The following FAM110B variants were observed in gnomAD, a reference collection of about 807,000 sequenced individuals.
FAM110B encodes the protein protein FAM110B.
Under a neutral mutation model 20.4 loss-of-function variants are expected in FAM110B, and 6 were observed. The observed-to-expected ratio is 0.29, with a 90% CI of 0.16 to 0.58. The LOEUF (loss-of-function observed/expected upper bound fraction) is 0.58. Among genes scored for constraint, FAM110B ranks in the 20% least tolerant of loss-of-function variants. FAM110B has a pLI of 0.90. For synonymous variants in FAM110B, 226 were observed against 214.1 expected (o/e 1.06, Z -0.49); for missense variants, 434 against 498.2 (o/e 0.87, Z 1.23).
At chr8:58,026,734 G>T (rs1358793561) in intron 1 of FAM110B, among the ~76,000 whole-genome samples, 2 of 152,170 alleles carry the variant, frequency 1.3e-5, no homozygotes, top group African/African-American at 4.8e-5. Flanking sequence ...AGCTATCATT[G>T]TATGAAGAGG....
At chr8:58,000,936 G>A (rs1266195984) in intron 1 of FAM110B, among the ~76,000 whole-genome samples, 1 of 152,106 alleles carries the variant, frequency 6.6e-6, no homozygotes, top group African/African-American at 2.4e-5. Context: ...TTTTATTCTT[G>A]TTTAGTGACA....
In FAM110B at chr8:58,146,912, C is replaced by T. The variant is rs1178064986; in HGVS notation, c.682C>T (p.Pro228Ser). 16 of 1,614,124 alleles carry T rather than the reference C, an allele frequency of 9.9e-6. 1 individual carries two copies. In the Admixed American group the frequency reaches 1.0e-4, roughly 10 times the overall value. The change falls in exon 4 of 4, where the codon CCC becomes TCC. Residue 228 changes from proline to serine, a missense_variant. By Grantham distance (74) the Pro-to-Ser change is moderately conservative. Coordinates refer to ENST00000519262, the MANE Select transcript of FAM110B (RefSeq NM_001377989.1). ...SSSAPPLPPKPKIAAIASMKS... is the reference protein window; with the variant it reads ...SSSAPPLPPKSKIAAIASMKS... Reference sequence around the variant, plus strand: ...CTCTGCCCCTCCCCTGCCTCCCAAGCCCAAAATCGCAGCCATCGCCTCCAT... The same window carrying T: ...CTCTGCCCCTCCCCTGCCTCCCAAGTCCAAAATCGCAGCCATCGCCTCCAT...
intron 3 of FAM110B, among the ~76,000 whole-genome samples, chr8:58,083,126 T>C (rs540688322): frequency 6.8e-4 from 104 of 152,246 alleles, no homozygotes; most frequent in African/African-American, 2.5e-3. Context: ...GCTCACTGCC[T>C]CTCACAAGCT....
chr8:58,085,801 C>G (rs543446151), intron 3 of FAM110B, among the ~76,000 whole-genome samples: 116 of 152,262 alleles, frequency 7.6e-4, no homozygotes, highest in South Asian at 2.9e-3. Context: ...GGTGGTTTAT[C>G]CCCCACTGCA....
intron 2 of FAM110B, among the ~76,000 whole-genome samples, chr8:58,052,603 G>A (rs926378918): frequency 5.9e-5 from 9 of 151,960 alleles, no homozygotes; most frequent in Middle Eastern, 3.2e-3. Context: ...CATTCAAATG[G>A]TAAAAATTAC....
At chr8:58,063,257 T>A (rs991383492) in intron 2 of FAM110B, among the ~76,000 whole-genome samples, 2 of 152,134 alleles carry the variant, frequency 1.3e-5, no homozygotes, top group Admixed American at 6.5e-5. Flanking sequence ...GGGAAAAAAA[T>A]ACAAGTTTTT....
intron 3 of FAM110B, among the ~76,000 whole-genome samples, chr8:58,130,958 C>A (rs531897171): frequency 1.1e-4 from 16 of 152,290 alleles, no homozygotes; most frequent in African/African-American, 3.6e-4. Flanking sequence ...AACAGTATCA[C>A]TGTCTTCCTT....
chr8:58,056,446 A>T lies in FAM110B; in HGVS notation c.-413-19089A>T, dbSNP rs149730106. On this transcript the variant is annotated intron_variant, in intron 2 of 3. Coordinates refer to ENST00000519262, the MANE Select transcript of FAM110B (RefSeq NM_001377989.1). ...TAATGTAATTGTATAATAAAGTCAG[A>T]CTAAGAGAGAGCACTGACATTTTAT... Among the ~76,000 whole-genome samples, 90 of 152,320 alleles carry T rather than the reference A, an allele frequency of 5.9e-4. 3 individuals carry two copies. Among genetic ancestry groups the T allele is most frequent in the African/African-American group, 2.1e-3 (88 of 41,568 alleles).
intron 3 of FAM110B, 21 bp from the exon 4 acceptor site, chr8:58,145,886 G>A (rs1803851953): frequency 5.1e-6 from 1 of 195,842 alleles, no homozygotes; most frequent in Non-Finnish European, 1.0e-5. Flanking sequence ...CTAACCCGCG[G>A]TTGGTTGTTT....
chr8:58,022,748 G>A (rs1189936975), intron 1 of FAM110B, among the ~76,000 whole-genome samples: 2 of 152,146 alleles, frequency 1.3e-5, no homozygotes, highest in Non-Finnish European at 2.9e-5. Context: ...CTTAGGGAAG[G>A]CCAAAAGTAG....
chr8:58,112,990 T>C (rs1465909593), intron 3 of FAM110B, among the ~76,000 whole-genome samples: 1 of 152,184 alleles, frequency 6.6e-6, no homozygotes, highest in East Asian at 1.9e-4. Context: ...GCCCCACTTC[T>C]GGGCTCACAG....
intron 3 of FAM110B, among the ~76,000 whole-genome samples, chr8:58,136,368 G>T (rs1803615916): frequency 6.6e-6 from 1 of 152,030 alleles, no homozygotes; most frequent in South Asian, 2.1e-4. Flanking sequence ...AATGACAGTG[G>T]TCCCTTGAAC....
intron 3 of FAM110B, among the ~76,000 whole-genome samples, chr8:58,107,209 C>T (rs1256413094): frequency 6.6e-6 from 1 of 152,050 alleles, no homozygotes; most frequent in Non-Finnish European, 1.5e-5. Context: ...TAATAGATGC[C>T]TTATTGATTA....
At chr8:58,120,817 G>A (rs1380025377) in intron 3 of FAM110B, among the ~76,000 whole-genome samples, 1 of 152,210 alleles carries the variant, frequency 6.6e-6, no homozygotes, top group Non-Finnish European at 1.5e-5. Context: ...AAGACTGGGA[G>A]AATAGGTGAT....
At chr8:58,037,443 T>G (rs1040193665) in intron 2 of FAM110B, among the ~76,000 whole-genome samples, 2 of 151,500 alleles carry the variant, frequency 1.3e-5, no homozygotes, top group African/African-American at 4.9e-5. Context: ...TGAGACCAGC[T>G]TGGCAACATA....
intron 3 of FAM110B, among the ~76,000 whole-genome samples, chr8:58,120,348 TCTGAATTATCCA>T (rs1163862827): frequency 1.3e-5 from 2 of 152,074 alleles, no homozygotes; most frequent in Admixed American, 1.3e-4. Flanking sequence ...GCCCCTCTCG[TCTGAATTATCCA>T]CTGAATTATC....
intron 2 of FAM110B, among the ~76,000 whole-genome samples, chr8:58,052,642 A>G (rs1210103965): frequency 6.6e-6 from 1 of 152,032 alleles, no homozygotes; most frequent in Non-Finnish European, 1.5e-5. Context: ...AGGGATGGAG[A>G]TAGATGTATA....
intron 3 of FAM110B, among the ~76,000 whole-genome samples, chr8:58,134,103 T>C (rs1803555164): frequency 6.6e-6 from 1 of 152,228 alleles, no homozygotes; most frequent in Admixed American, 6.5e-5. Flanking sequence ...CACAGTTCAG[T>C]CTGAATCCAC....
intron 3 of FAM110B, among the ~76,000 whole-genome samples, chr8:58,142,324 C>T (rs918597528): frequency 6.6e-6 from 1 of 152,126 alleles, no homozygotes; most frequent in African/African-American, 2.4e-5. Context: ...GTGAGAAATG[C>T]GTAATCTGGG....
Sources: allele counts gnomAD v4.1 joint callset (sites outside exome capture counted in the v4.1 genomes callset), GRCh38; gene constraint gnomAD v4.1.1; transcripts MANE v1.5; gene names NCBI Gene and HGNC (gene_info 2026-07-23, HGNC 2026-07-21).